PUM1: variants seen among roughly 807,000 people sequenced by gnomAD.
PUM1 encodes the protein pumilio RNA binding family member 1.
In PUM1, 13 loss-of-function variants were observed where a neutral mutation model predicts 131.8. The observed-to-expected ratio is 0.10, with a 90% confidence interval of 0.06 to 0.16. The LOEUF (loss-of-function observed/expected upper bound fraction) is 0.16. PUM1 is among the 10% of genes least tolerant of loss of function. The probability of loss-of-function intolerance (pLI) is 1.00; values close to 1 mark genes in which losing one functional copy is unlikely to be tolerated. For synonymous variants in PUM1, 509 were observed against 556.5 expected (o/e 0.91, Z 1.20); for missense variants, 961 against 1,512.4 (o/e 0.64, Z 6.05).
At chr1:30,956,545 T>C (rs979088790) in intron 14 of PUM1, among the ~76,000 whole-genome samples, 2 of 152,184 alleles carry the variant, frequency 1.3e-5, no homozygotes, top group Non-Finnish European at 2.9e-5. Context: ...ATTACAGGCA[T>C]GAGCCACGGC....
intron 1 of PUM1, among the ~76,000 whole-genome samples, chr1:31,063,917 T>C (rs910520442): frequency 2.0e-5 from 3 of 152,176 alleles, no homozygotes; most frequent in Non-Finnish European, 2.9e-5. Flanking sequence ...TTGTGGTATT[T>C]TGGCAAATAC....
intron 7 of PUM1, among the ~76,000 whole-genome samples, chr1:30,991,480 C>T (rs1999811): frequency 0.67 from 101,473 of 152,020 alleles, 34,856 homozygotes; most frequent in East Asian, 0.85. Flanking sequence ...AGGTACAACA[C>T]GGCATAATAA....
intron 3 of PUM1, among the ~76,000 whole-genome samples, chr1:31,027,228 G>A (rs1643256904): frequency 6.6e-6 from 1 of 152,100 alleles, no homozygotes; most frequent in African/African-American, 2.4e-5. Context: ...AGGATCACTT[G>A]AGCCCAAGAT....
At chr1:31,061,320 TA>T (rs1448164040) in intron 1 of PUM1, among the ~76,000 whole-genome samples, 2 of 152,222 alleles carry the variant, frequency 1.3e-5, no homozygotes, top group East Asian at 3.9e-4. Context: ...AATAAGGCTC[TA>T]AGAAGGCCAA....
chr1:31,041,084 G>A (rs1643800023), intron 2 of PUM1, among the ~76,000 whole-genome samples: 1 of 152,080 alleles, frequency 6.6e-6, no homozygotes, highest in Non-Finnish European at 1.5e-5. Context: ...GGCAGAAACA[G>A]GAGGCAGAAA....
intron 5 of PUM1, among the ~76,000 whole-genome samples, chr1:31,004,144 AT>A (rs1242538934): frequency 2.6e-5 from 4 of 152,230 alleles, no homozygotes; most frequent in African/African-American, 7.2e-5. Flanking sequence ...CCCAAGACAA[AT>A]GATACAGCTT....
chr1:30,978,906 C>A (rs1024190133), intron 9 of PUM1, among the ~76,000 whole-genome samples: 4 of 152,088 alleles, frequency 2.6e-5, no homozygotes, highest in African/African-American at 9.7e-5. Context: ...TGACACAACA[C>A]CAGCCTAGGC....
chr1:30,977,190 G>A (rs1237547855), intron 9 of PUM1, among the ~76,000 whole-genome samples: 1 of 152,218 alleles, frequency 6.6e-6, no homozygotes, highest in Non-Finnish European at 1.5e-5. Context: ...TAGATGAACT[G>A]TGTGTTATGT....
intron 16 of PUM1, 50 bp downstream of exon 16, chr1:30,952,184 A>G: frequency 6.4e-7 from 1 of 1,573,826 alleles, no homozygotes; most frequent in Non-Finnish European, 8.7e-7. Context: ...GAAAATCAAA[A>G]TGCTCTGCAG....
At chr1:30,941,379 C>T (rs998556826) in intron 19 of PUM1, 107 bp from the exon 20 acceptor site, 60 of 1,198,488 alleles carry the variant, frequency 5.0e-5, no homozygotes, top group Middle Eastern at 5.2e-4. Context: ...ACCACCATAA[C>T]GGTTTATATG....
At chr1:31,012,009 A>T (rs1642636919) in intron 3 of PUM1, among the ~76,000 whole-genome samples, 1 of 152,184 alleles carries the variant, frequency 6.6e-6, no homozygotes, top group South Asian at 2.1e-4. Flanking sequence ...ATGCACAAAG[A>T]AGCCTATTCT....
At chr1:31,062,546 G>A (rs573262911) in intron 1 of PUM1, among the ~76,000 whole-genome samples, 1 of 151,524 alleles carries the variant, frequency 6.6e-6, no homozygotes, top group Admixed American at 6.6e-5. Context: ...CTTGAACCCA[G>A]GAGGCGGAGG....
At chr1:30,971,222 T>C (rs1195116129) in intron 10 of PUM1, among the ~76,000 whole-genome samples, 1 of 152,124 alleles carries the variant, frequency 6.6e-6, no homozygotes, top group Non-Finnish European at 1.5e-5. Flanking sequence ...TACTTTCTGA[T>C]AAAATACAAG....
At chr1:30,950,311 A>C in intron 16 of PUM1, 50 bp from the exon 17 acceptor site, 1 of 1,575,622 alleles carries the variant, frequency 6.3e-7, no homozygotes, top group Non-Finnish European at 8.7e-7. Flanking sequence ...AAGGAAATAA[A>C]CCAGAGAAAG....
chr1:30,977,156 T>C (rs932749041), intron 9 of PUM1, among the ~76,000 whole-genome samples: 4 of 152,354 alleles, frequency 2.6e-5, no homozygotes, highest in African/African-American at 7.2e-5. Context: ...GGGGTAATTT[T>C]ACTTTTCCTT....
At chr1:31,012,544 A>C (rs1219957239) in intron 3 of PUM1, among the ~76,000 whole-genome samples, 1 of 121,906 alleles carries the variant, frequency 8.2e-6, no homozygotes, top group Non-Finnish European at 1.6e-5. Flanking sequence ...AAAAAAACTT[A>C]TGAAAAGTAA....
At chr1:30,968,601 T>A in intron 10 of PUM1, 109 bp from the exon 11 acceptor site, 2 of 1,188,010 alleles carry the variant, frequency 1.7e-6, no homozygotes, top group Non-Finnish European at 2.3e-6. Flanking sequence ...ATTGTTTCCC[T>A]ATAATGGTTT....
intron 3 of PUM1, among the ~76,000 whole-genome samples, chr1:31,022,952 G>A (rs1328329515): frequency 1.3e-5 from 2 of 151,956 alleles, no homozygotes; most frequent in Non-Finnish European, 2.9e-5. Flanking sequence ...GTGGATCACT[G>A]GAAGTCACGA....
rs139847827 is a variant in PUM1, at chr1:30,944,059, T to G, written c.2994+1287A>C. Among the ~76,000 whole-genome samples, 1,119 of 152,316 alleles carry G rather than the reference T, an allele frequency of 7.3e-3. 6 individuals carry two copies. The highest frequency in any genetic ancestry group is 0.031 in the Middle Eastern group (9 of 294). ...CTCCTGGTGGATTTATCGTTTTATC[T>G]TTTTTGTTGTATAATTCCATAAATG... On this transcript the variant is annotated intron_variant, in intron 18 of 21. Coordinates refer to ENST00000426105, the MANE Select transcript of PUM1 (RefSeq NM_001020658.2).
Sources: gnomAD v4.1 joint callset for allele counts (sites outside exome capture counted in the v4.1 genomes callset) on GRCh38, gnomAD v4.1.1 for gene constraint, MANE v1.5 for transcripts, NCBI Gene and HGNC (gene_info 2026-07-23, HGNC 2026-07-21) for gene names.